QSER1: variants seen among roughly 807,000 people sequenced by gnomAD.
QSER1 encodes the protein glutamine and serine-rich protein 1.
In QSER1, 49 loss-of-function variants were observed where a neutral mutation model predicts 158.5. The ratio of observed to expected loss-of-function variants is 0.31; its 90% CI spans 0.25 to 0.39. The LOEUF (loss-of-function observed/expected upper bound fraction) is 0.39. QSER1 is among the 10% of genes least tolerant of loss of function. The probability of loss-of-function intolerance (pLI) is 1.00; values close to 1 mark genes in which losing one functional copy is unlikely to be tolerated. For missense variants in QSER1, 1,754 were observed against 2,010.3 expected, an observed-to-expected ratio of 0.87 and a Z score of 2.44; for synonymous variants, 650 against 715.5, an observed-to-expected ratio of 0.91 and a Z score of 1.46.
chr11:32,929,063 C>G (rs1316136563), intron 3 of QSER1, among the ~76,000 whole-genome samples: 1 of 151,904 alleles, frequency 6.6e-6, no homozygotes, highest in Non-Finnish European at 1.5e-5. Flanking sequence ...TGTTTTTACT[C>G]TTGTATAGTT....
chr11:32,962,239 A>G (rs934135606), intron 8 of QSER1, among the ~76,000 whole-genome samples: 1 of 152,098 alleles, frequency 6.6e-6, no homozygotes, highest in African/African-American at 2.4e-5. Flanking sequence ...TTTTCTAGTG[A>G]CTAATGATGT....
intron 1 of QSER1, among the ~76,000 whole-genome samples, chr11:32,922,978 A>C (rs1291502174): frequency 6.6e-6 from 1 of 152,190 alleles, no homozygotes. Context: ...ATTAAAACTT[A>C]TGTTCACACA....
intron 11 of QSER1, 79 bp downstream of exon 11, chr11:32,973,628 C>A (rs1590191079): frequency 1.5e-6 from 2 of 1,340,014 alleles, no homozygotes; most frequent in East Asian, 2.3e-5. Context: ...TTGAAACAAG[C>A]AAATATTTTA....
At chr11:32,951,730 A>C (rs1214376138) in intron 4 of QSER1, among the ~76,000 whole-genome samples, 4 of 151,988 alleles carry the variant, frequency 2.6e-5, no homozygotes, top group Non-Finnish European at 5.9e-5. Context: ...TGGGTTGTTC[A>C]CTGCAAATGT....
chr11:32,901,699 T>C (rs548693532), intron 1 of QSER1, among the ~76,000 whole-genome samples: 58 of 152,234 alleles, frequency 3.8e-4, no homozygotes, highest in Non-Finnish European at 7.8e-4. Context: ...ATTGGGGAGC[T>C]CACCAGAGTA....
chr11:32,959,283 A>G (rs961535305), intron 8 of QSER1, among the ~76,000 whole-genome samples: 5 of 152,226 alleles, frequency 3.3e-5, no homozygotes, highest in Non-Finnish European at 7.3e-5. Context: ...CAAAATCTAA[A>G]ATATTTACCT....
chr11:32,930,656 T>C (rs1852033015), intron 3 of QSER1, among the ~76,000 whole-genome samples: 1 of 152,200 alleles, frequency 6.6e-6, no homozygotes, highest in African/African-American at 2.4e-5. Flanking sequence ...TTTATGGCAA[T>C]AGTATTATTA....
At position 32,933,979 on chromosome 11, in the gene QSER1, T is replaced by C. The variant is rs778553214; in HGVS notation, c.2721T>C (p.Asn907=). 1.2e-6 allele frequency: 2 copies of C among 1,613,920 alleles called. No individual in the cohort carries two copies. The highest frequency in any genetic ancestry group is 1.7e-6 in the Non-Finnish European group (2 of 1,179,944). The change falls in exon 4 of 13, where the codon AAT becomes AAC. Residue 907 remains asparagine (N), a synonymous_variant. Coordinates refer to ENST00000650167, the MANE Select transcript of QSER1 (RefSeq NM_001076786.3). The stretch of plus-strand genomic sequence containing the variant: ...TGGAAGGTCATGTTATTCAAAGCAA[T>C]GGTGATCATTCTCAGCAGCAACTCC... The part of the protein sequence containing the change: ...LQMEGHVIQS[N]GDHSQQQLHP...
intron 1 of QSER1, among the ~76,000 whole-genome samples, chr11:32,902,729 C>T (rs1851640953): frequency 6.6e-6 from 1 of 152,134 alleles, no homozygotes; most frequent in South Asian, 2.1e-4. Context: ...AGAACTGAGC[C>T]TTTGCCATTG....
intron 10 of QSER1, among the ~76,000 whole-genome samples, chr11:32,971,177 C>T (rs1852848915): frequency 6.6e-6 from 1 of 152,044 alleles, no homozygotes; most frequent in Non-Finnish European, 1.5e-5. Context: ...CTCTGCCTCC[C>T]AAAGTGCTGG....
chr11:32,923,530 T>C (rs1851924830), intron 1 of QSER1, among the ~76,000 whole-genome samples: 3 of 151,294 alleles, frequency 2.0e-5, no homozygotes. Context: ...AAAAAAAAAT[T>C]AGCCTGGCGC....
chr11:32,968,499 CCT>C (rs1852790220), intron 9 of QSER1, among the ~76,000 whole-genome samples: 1 of 152,096 alleles, frequency 6.6e-6, no homozygotes. Flanking sequence ...TTTACTCTCC[CCT>C]CTTTTTCTAA....
chr11:32,919,598 C>A (rs910590649), intron 1 of QSER1, among the ~76,000 whole-genome samples: 1 of 152,070 alleles, frequency 6.6e-6, no homozygotes, highest in African/African-American at 2.4e-5. Context: ...ATCACCTGGT[C>A]GATTCTTGTC....
At chr11:32,958,882 G>T (rs4755476) in intron 8 of QSER1, among the ~76,000 whole-genome samples, 125,804 of 152,168 alleles carry the variant, frequency 0.83, 52,357 homozygotes, top group East Asian at 0.99. Context: ...TAGTTTTCTT[G>T]TTTTATAAAA....
At position 32,935,392 on chromosome 11, in the gene QSER1, C is replaced by T; in HGVS notation, c.4134C>T (p.Pro1378=). The T allele has an allele frequency of 6.4e-7, 1 of 1,561,784 alleles. No individual in the cohort carries two copies. The highest frequency in any genetic ancestry group is 8.6e-7 in the Non-Finnish European group (1 of 1,161,288). ...ATGCTTATAAAAGCGTCTCTACTCC[C>T]TTAACTACTTTGGATGCTACTTCTG... ...SQDAYKSVST[P]LTTLDATSDK... Residue 1378 remains proline, a synonymous_variant, in exon 4 of 13, where the codon CCC becomes CCT. Coordinates refer to ENST00000650167, the MANE Select transcript of QSER1 (RefSeq NM_001076786.3).
intron 1 of QSER1, among the ~76,000 whole-genome samples, chr11:32,925,490 G>A (rs924824947): frequency 1.5e-5 from 2 of 131,884 alleles, no homozygotes; most frequent in African/African-American, 2.7e-5. Context: ...TTGATACATC[G>A]CTTTTTTATT....
At chr11:32,959,122 G>T (rs999025518) in intron 8 of QSER1, among the ~76,000 whole-genome samples, 6 of 152,172 alleles carry the variant, frequency 3.9e-5, no homozygotes, top group African/African-American at 1.2e-4. Flanking sequence ...GTAGTACAGA[G>T]GTTGCCAAAT....
chr11:32,961,004 T>A (rs1017913751), intron 8 of QSER1, among the ~76,000 whole-genome samples: 3 of 152,178 alleles, frequency 2.0e-5, no homozygotes, highest in African/African-American at 7.2e-5. Flanking sequence ...ATTTACTAAA[T>A]ACCAATTCAA....
chr11:32,968,585 A>G (rs549274399), intron 9 of QSER1, among the ~76,000 whole-genome samples: 1 of 152,202 alleles, frequency 6.6e-6, no homozygotes, highest in East Asian at 1.9e-4. Context: ...CTTTGCTTCA[A>G]GTTAAAGTGA....
Sources: allele counts gnomAD v4.1 joint callset (sites outside exome capture counted in the v4.1 genomes callset), GRCh38; gene constraint gnomAD v4.1.1; transcripts MANE v1.5; gene names NCBI Gene and HGNC (gene_info 2026-07-23, HGNC 2026-07-21).